Variants in FYCO1 observed in about 807,000 individuals in gnomAD.
FYCO1 encodes the protein FYVE and coiled-coil domain-containing protein 1.
Under a neutral mutation model 165.1 loss-of-function variants are expected in FYCO1, and 122 were observed. That is an observed-to-expected ratio of 0.74 (90% CI 0.64 to 0.86). The LOEUF is 0.86. Among genes scored for constraint, FYCO1 ranks in the 40% least tolerant of loss-of-function variants. The pLI is 0.00. For missense variants in FYCO1, 1,702 were observed against 1,810.3 expected, an observed-to-expected ratio of 0.94 and a Z score of 1.09; for synonymous variants, 648 against 742.5, an observed-to-expected ratio of 0.87 and a Z score of 2.07.
chr3:45,967,099 C>G lies in FYCO1; in HGVS notation c.2235G>C (p.Glu745Asp), dbSNP rs1049756632. The G allele has an allele frequency of 5.8e-5, 94 of 1,613,846 alleles. No homozygotes were observed. The highest frequency in any genetic ancestry group is 5.7e-4 in the Admixed American group (34 of 60,012). Residue 745 changes from glutamate to aspartate, a missense_variant, in exon 8 of 18, where the codon GAG (glutamate) becomes GAC (aspartate). Transcript: ENST00000296137. ...GTTGGCCTTTCTCTGCTGTGAGGACCTCAATCAGCTGGGTCTGCTGCTGGC... is the reference window on the plus strand; with the variant it reads ...GTTGGCCTTTCTCTGCTGTGAGGACGTCAATCAGCTGGGTCTGCTGCTGGC... ...SQCQQQTQLI[E>D]VLTAEKGQQG...
intron 14 of FYCO1, among the ~76,000 whole-genome samples, chr3:45,954,532 G>C (rs2125833043): frequency 6.6e-6 from 1 of 152,292 alleles, no homozygotes; most frequent in Middle Eastern, 3.4e-3. Flanking sequence ...GGCTTTTAAA[G>C]AGCAGCATGT....
At chr3:45,974,126 C>A (rs976754004) in intron 5 of FYCO1, among the ~76,000 whole-genome samples, 1 of 152,138 alleles carries the variant, frequency 6.6e-6, no homozygotes, top group South Asian at 2.1e-4. Flanking sequence ...CACCTGTAAT[C>A]CTAGCACTTT....
chr3:45,948,426 A>G (rs1704779810), intron 14 of FYCO1: 2 of 154,294 alleles, frequency 1.3e-5, no homozygotes, highest in Non-Finnish European at 2.9e-5. Context: ...TTTTGGGCTC[A>G]GAGCCCGGGA....
chr3:45,989,841 C>T (rs1448940683), intron 1 of FYCO1, among the ~76,000 whole-genome samples: 1 of 152,118 alleles, frequency 6.6e-6, no homozygotes, highest in Non-Finnish European at 1.5e-5. Flanking sequence ...GCTTTTGGAT[C>T]TGGGGAAGCC....
chr3:45,973,789 C>T (rs1246364509), intron 5 of FYCO1, among the ~76,000 whole-genome samples: 2 of 152,168 alleles, frequency 1.3e-5, no homozygotes, highest in Non-Finnish European at 2.9e-5. Flanking sequence ...AGAACACAGT[C>T]GCTCATGCCT....
chr3:45,932,784 C>T (rs1009000473), intron 15 of FYCO1, among the ~76,000 whole-genome samples: 10 of 152,210 alleles, frequency 6.6e-5, no homozygotes, highest in African/African-American at 2.4e-4. Flanking sequence ...CAATGCGATA[C>T]TTCTCCATGT....
chr3:45,962,351 T>A lies in FYCO1; in HGVS notation c.3311A>T (p.Glu1104Val), dbSNP rs1157015175. The A allele has an allele frequency of 6.2e-7, 1 of 1,614,180 alleles. No homozygotes were observed. The highest frequency in any genetic ancestry group is 8.5e-7 in the Non-Finnish European group (1 of 1,180,016). The change falls in exon 11 of 18, where the codon GAG becomes GTG. Residue 1104 changes from glutamate to valine, a missense_variant. Physicochemically the swap from Glu to Val is moderately radical, Grantham distance 121. Transcript: ENST00000296137. The surrounding 1 kb of genome is among the most constrained non-coding windows in gnomAD (Gnocchi z 4.4). ...CTCCTGGCAGAGTTTGTTGTAATAC[T>A]CTTGGATTTTTGTTGTGGCTTTTTC... is the stretch of plus-strand genomic sequence containing the variant. ...ELEKATTKIQ[E>V]YYNKLCQEVT...
rs563696576 is a variant in FYCO1 at position 45,972,762 on chromosome 3, A to G, written c.539+326T>C. 2.0e-4 allele frequency among the ~76,000 whole-genome samples: 31 copies of G among 152,324 alleles called. 1 individual carries two copies. In the South Asian group the frequency reaches 6.4e-3, roughly 32 times the overall value. ...CTTAGGAGCCTTCTGTAATAACTCC[A>G]TAAGAACAGGCACGGGAAAAAGCCC... On this transcript the variant is annotated intron_variant, in intron 6 of 17. Coordinates refer to ENST00000296137, the MANE Select transcript of FYCO1 (RefSeq NM_024513.4).
At chr3:45,981,492 C>G (rs554300017) in intron 3 of FYCO1, 78 bp downstream of exon 3, 2 of 951,378 alleles carry the variant, frequency 2.1e-6, no homozygotes, top group African/African-American at 3.2e-5. Flanking sequence ...TGAACCATAT[C>G]TTGAATGCTG....
chr3:45,972,926 G>T (rs1354941460), intron 6 of FYCO1, among the ~76,000 whole-genome samples, 162 bp downstream of exon 6: 3 of 152,220 alleles, frequency 2.0e-5, no homozygotes, highest in African/African-American at 7.2e-5. Flanking sequence ...GTTATTGTTA[G>T]TCATGATTCA....
At chr3:45,926,204 T>A (rs1025313443) in intron 16 of FYCO1, among the ~76,000 whole-genome samples, 6 of 152,140 alleles carry the variant, frequency 3.9e-5, no homozygotes, top group African/African-American at 1.4e-4. Flanking sequence ...AACATTCCAA[T>A]GAAAAGGCAG....
Position 45,966,269 on chromosome 3 carries a change from A to G in FYCO1, c.3057+8T>C, listed in dbSNP as rs1406380011. ...GGGTAGAGCCCAAGTGGTTGAAGCT[A>G]GGATTACCTTAAGTCTGCTCTGGTA... On this transcript the variant is annotated splice_region_variant and intron_variant, in intron 8 of 17. Transcript: ENST00000296137. The G allele has an allele frequency of 3.1e-6, 5 of 1,613,088 alleles. No individual in the cohort carries two copies. The highest frequency in any genetic ancestry group is 3.3e-5 in the Admixed American group (2 of 60,018).
In FYCO1 at chr3:45,973,242, A is replaced by G; in HGVS notation, c.396-11T>C. 1 of 1,613,616 alleles carries G rather than the reference A, an allele frequency of 6.2e-7. No homozygotes were observed. ...GCATAGTACCAGTCACTGCAGAAAA[A>G]CATGTCAATTATAAGAGTAATAAAG... On this transcript the variant is annotated splice_polypyrimidine_tract_variant and intron_variant, in intron 5 of 17. Coordinates refer to ENST00000296137, the MANE Select transcript of FYCO1 (RefSeq NM_024513.4).
At position 45,967,108 on chromosome 3, in the gene FYCO1, C is replaced by T. The variant is rs1419593816; in HGVS notation, c.2226G>A (p.Gln742=). Reference sequence around the variant, plus strand: ...TCTCTGCTGTGAGGACCTCAATCAGCTGGGTCTGCTGCTGGCACTGGCTCT... The same window carrying T: ...TCTCTGCTGTGAGGACCTCAATCAGTTGGGTCTGCTGCTGGCACTGGCTCT... ...ALESQCQQQT[Q]LIEVLTAEKG... Residue 742 remains glutamine, a synonymous_variant, in exon 8 of 18, where the codon CAG becomes CAA. Transcript: ENST00000296137. 1 of 1,613,958 alleles carries T rather than the reference C, an allele frequency of 6.2e-7. No individual in the cohort carries two copies. Among genetic ancestry groups the T allele is most frequent in the Admixed American group, 1.7e-5 (1 of 60,030 alleles).
At chr3:45,965,385 G>T (rs559259800) in intron 8 of FYCO1, among the ~76,000 whole-genome samples, 1 of 152,350 alleles carries the variant, frequency 6.6e-6, no homozygotes, top group East Asian at 1.9e-4. Flanking sequence ...GTTTCACGGA[G>T]TGGGGTGGCA....
chr3:45,931,344 G>C, intron 15 of FYCO1, 63 bp from the exon 16 acceptor site: 1 of 1,490,468 alleles, frequency 6.7e-7, no homozygotes. Flanking sequence ...CCACTGGCCA[G>C]GTCATCTGTG....
chr3:45,962,257 C>G lies in FYCO1; in HGVS notation c.3405G>C (p.Lys1135Asn). ...ADLDDLNRTK[K>N]YLEERLIELL... ...GCTCTATCAGCCGCTCCTCGAGATA[C>G]TTCTTGGTTCTGTTGAGGTCATCCA... The change falls in exon 11 of 18, where the codon AAG becomes AAC. Residue 1135 changes from lysine to asparagine, a missense_variant. By Grantham distance (94) the Lys-to-Asn change is moderately conservative. Transcript: ENST00000296137. The surrounding 1 kb of genome is among the most constrained non-coding windows in gnomAD (Gnocchi z 4.4). 1 of 1,614,242 alleles carries G rather than the reference C, an allele frequency of 6.2e-7. No homozygotes were observed. Among genetic ancestry groups the G allele is most frequent in the Non-Finnish European group, 8.5e-7 (1 of 1,180,036 alleles).
intron 1 of FYCO1, among the ~76,000 whole-genome samples, chr3:45,992,832 C>T (rs1707622788): frequency 6.6e-6 from 1 of 152,212 alleles, no homozygotes; most frequent in Non-Finnish European, 1.5e-5. Flanking sequence ...TTCCTTCCAG[C>T]TCCATTTTAA....
rs1029491391 is a variant in FYCO1 at position 45,962,498 on chromosome 3, TG to T, written c.3270-107del. 2 of 1,010,062 alleles carry T rather than the reference TG, an allele frequency of 2.0e-6. No homozygotes were observed. The highest frequency in any genetic ancestry group is 1.3e-5 in the South Asian group (1 of 78,088). The allele number at this position is 1,010,062 out of a possible 1,614,324, so 62.6% of individuals were successfully genotyped here. A position where few individuals can be genotyped will look rare whatever the true frequency, so the allele number is the denominator to read the frequency against. On this transcript the variant is annotated intron_variant, in intron 10 of 17. Coordinates refer to ENST00000296137, the MANE Select transcript of FYCO1 (RefSeq NM_024513.4). This position sits in a 1 kb window ranked among gnomAD's most constrained non-coding sequence, Gnocchi z 4.4. Reference sequence around the variant, plus strand: ...TGAGGGGTGCTACTGCCCTCCGCCATGGGGGAGCCCCTTGGTATCTGCTCAC... The same window carrying T: ...TGAGGGGTGCTACTGCCCTCCGCCATGGGGAGCCCCTTGGTATCTGCTCAC...
Sources: gnomAD v4.1 joint callset for allele counts (sites outside exome capture counted in the v4.1 genomes callset) on GRCh38, gnomAD v4.1.1 for gene constraint, Gnocchi (gnomAD v3.1) non-coding constraint, MANE v1.5 for transcripts, NCBI Gene and HGNC (gene_info 2026-07-23, HGNC 2026-07-21) for gene names.